The following SPSB4 variants were observed in gnomAD, a reference collection of about 807,000 sequenced individuals.
The protein encoded by SPSB4 is SPRY domain-containing SOCS box protein 4.
Under a neutral mutation model 20.9 loss-of-function variants are expected in SPSB4, and 21 were observed. The observed-to-expected ratio is 1.01, with a 90% CI of 0.71 to 1.45. SPSB4 has a LOEUF of 1.45. SPSB4 is among the 40% of genes most tolerant of loss of function. SPSB4 has a pLI of 0.00. For missense variants in SPSB4, 399 were observed against 399.2 expected (o/e 1.00, Z 0.00); for synonymous variants, 207 against 183.8 (o/e 1.13, Z -1.02).
chr3:141,068,676 C>T (rs1417360974), intron 2 of SPSB4, among the ~76,000 whole-genome samples: 1 of 152,130 alleles, frequency 6.6e-6, no homozygotes, highest in Admixed American at 6.5e-5. Context: ...TGTGGTAGCA[C>T]CAATAATATG....
At chr3:141,131,241 G>A (rs1196202151) in intron 2 of SPSB4, among the ~76,000 whole-genome samples, 1 of 152,046 alleles carries the variant, frequency 6.6e-6, no homozygotes, top group East Asian at 1.9e-4. Context: ...GCAGAAACTA[G>A]GATTCCAAGC....
chr3:141,053,165 T>A (rs1322380212), intron 1 of SPSB4, among the ~76,000 whole-genome samples: 3 of 151,886 alleles, frequency 2.0e-5, no homozygotes, highest in Non-Finnish European at 4.4e-5. Context: ...AGATAGGAGT[T>A]CCTTTCTCTC....
intron 2 of SPSB4, among the ~76,000 whole-genome samples, chr3:141,076,080 GATAAA>G (rs10573879): frequency 0.14 from 21,371 of 151,826 alleles, 4,849 homozygotes; most frequent in African/African-American, 0.48. Context: ...AAATAAATAA[GATAAA>G]ATAAAATGCG....
chr3:141,126,028 G>T (rs1939044818), intron 2 of SPSB4, among the ~76,000 whole-genome samples: 1 of 152,058 alleles, frequency 6.6e-6, no homozygotes, highest in Non-Finnish European at 1.5e-5. Context: ...CCTGAGAAGG[G>T]GGTTCTGGTT....
At chr3:141,093,192 T>G (rs1938488357) in intron 2 of SPSB4, among the ~76,000 whole-genome samples, 1 of 151,980 alleles carries the variant, frequency 6.6e-6, no homozygotes. Context: ...ACGAAATGGT[T>G]CTCTTTCATA....
At chr3:141,122,703 T>G (rs992448486) in intron 2 of SPSB4, among the ~76,000 whole-genome samples, 31 of 152,212 alleles carry the variant, frequency 2.0e-4, no homozygotes, top group African/African-American at 7.5e-4. Flanking sequence ...CTCAGACTGC[T>G]ACGGTAGCAG....
At chr3:141,145,452 C>A (rs1939398263) in intron 2 of SPSB4, among the ~76,000 whole-genome samples, 1 of 152,068 alleles carries the variant, frequency 6.6e-6, no homozygotes, top group East Asian at 1.9e-4. Flanking sequence ...ATTCTCGACT[C>A]TTGACTACAT....
At chr3:141,102,897 T>G (rs1224509935) in intron 2 of SPSB4, among the ~76,000 whole-genome samples, 1 of 152,146 alleles carries the variant, frequency 6.6e-6, no homozygotes, top group Non-Finnish European at 1.5e-5. Context: ...AGCCTGCCCA[T>G]GAGGAAGAGG....
At chr3:141,059,297 T>C (rs933345114) in intron 1 of SPSB4, among the ~76,000 whole-genome samples, 2 of 152,178 alleles carry the variant, frequency 1.3e-5, no homozygotes, top group South Asian at 4.1e-4. Context: ...TAGGCCATTT[T>C]TGCATTGCTA....
rs1939107371 is a variant in SPSB4 at position 141,129,812 on chromosome 3, GA to G, written c.695-17328del. ...ATCCTTGCTTTGCAGCGTTGCTAGGGAAGGCCATGCATTATTTAGGACTATT... is the reference window on the plus strand; with the variant it reads ...ATCCTTGCTTTGCAGCGTTGCTAGGGAGGCCATGCATTATTTAGGACTATT... On this transcript the variant is annotated intron_variant, in intron 2 of 2. Coordinates refer to ENST00000310546, the MANE Select transcript of SPSB4 (RefSeq NM_080862.3). 2.0e-5 allele frequency among the ~76,000 whole-genome samples: 3 copies of G among 152,338 alleles called. 1 individual carries two copies. In the South Asian group the frequency reaches 6.2e-4, roughly 32 times the overall value.
chr3:141,126,742 T>C (rs2086180), intron 2 of SPSB4, among the ~76,000 whole-genome samples: 13,054 of 152,288 alleles, frequency 0.086, 669 homozygotes, highest in East Asian at 0.14. Flanking sequence ...GAGCTGAGTT[T>C]GCTAGGACCT....
intron 2 of SPSB4, among the ~76,000 whole-genome samples, chr3:141,122,071 G>T (rs1455088391): frequency 1.3e-5 from 2 of 152,166 alleles, no homozygotes; most frequent in Non-Finnish European, 2.9e-5. Context: ...TTTGGTTTTT[G>T]ATGTTGGTGA....
At chr3:141,068,134 G>T (rs1238609530) in intron 2 of SPSB4, among the ~76,000 whole-genome samples, 1 of 152,192 alleles carries the variant, frequency 6.6e-6, no homozygotes, top group African/African-American at 2.4e-5. Context: ...GCACAGGAAG[G>T]GGACATTTGA....
At chr3:141,094,216 C>T (rs1938509501) in intron 2 of SPSB4, among the ~76,000 whole-genome samples, 1 of 152,260 alleles carries the variant, frequency 6.6e-6, no homozygotes, top group Non-Finnish European at 1.5e-5. Flanking sequence ...CTCCCAGTCT[C>T]CTCCCGCCAT....
intron 2 of SPSB4, among the ~76,000 whole-genome samples, chr3:141,102,198 G>A (rs1039698936): frequency 2.6e-5 from 4 of 152,214 alleles, no homozygotes; most frequent in African/African-American, 9.7e-5. Context: ...GGATAGAGCT[G>A]GAGTGAAGGG....
intron 2 of SPSB4, among the ~76,000 whole-genome samples, chr3:141,107,463 C>G (rs540962398): frequency 2.0e-5 from 3 of 152,312 alleles, no homozygotes; most frequent in Non-Finnish European, 4.4e-5. Context: ...GTCCTGTCCC[C>G]ACTATGTGTC....
chr3:141,147,174 A>G lies in SPSB4; in HGVS notation c.727A>G (p.Arg243Gly). 1 of 1,614,186 alleles carries G rather than the reference A, an allele frequency of 6.2e-7. No individual in the cohort carries two copies. Among genetic ancestry groups the G allele is most frequent in the Non-Finnish European group, 8.5e-7 (1 of 1,180,028 alleles). Residue 243 changes from arginine to glycine, a missense_variant, in exon 3 of 3, where the codon AGA (arginine) becomes GGA (glycine). Coordinates refer to ENST00000310546, the MANE Select transcript of SPSB4 (RefSeq NM_080862.3). ...EPLPLMDLCR[R>G]SIRSALGRQR... ...CCTGCCACTGATGGACCTGTGCCGG[A>G]GATCCATCCGCTCGGCCCTGGGCCG...
At chr3:141,126,373 T>C (rs1238694177) in intron 2 of SPSB4, among the ~76,000 whole-genome samples, 2 of 152,006 alleles carry the variant, frequency 1.3e-5, no homozygotes, top group African/African-American at 4.8e-5. Context: ...GATCTCAGAC[T>C]CAATCCTGAG....
At chr3:141,059,331 A>G (rs985788340) in intron 1 of SPSB4, among the ~76,000 whole-genome samples, 1 of 152,318 alleles carries the variant, frequency 6.6e-6, no homozygotes, top group Non-Finnish European at 1.5e-5. Context: ...AAGACTGAGT[A>G]ATTTATAATG....
Sources: gnomAD v4.1 joint callset for allele counts (sites outside exome capture counted in the v4.1 genomes callset) on GRCh38, gnomAD v4.1.1 for gene constraint, MANE v1.5 for transcripts, NCBI Gene and HGNC (gene_info 2026-07-23, HGNC 2026-07-21) for gene names.